The following SLC4A4 variants were observed in gnomAD, a reference collection of about 807,000 sequenced individuals.
The protein encoded by SLC4A4 is electrogenic sodium bicarbonate cotransporter 1.
A neutral mutation model predicts 111.5 loss-of-function variants in SLC4A4; 27 were observed. The observed-to-expected ratio is 0.24, with a 90% CI of 0.18 to 0.33. SLC4A4 has a LOEUF of 0.33. SLC4A4 is among the 10% of genes least tolerant of loss of function. The pLI, the probability that SLC4A4 is intolerant of heterozygous loss-of-function variation, is 1.00. For missense variants in SLC4A4, 909 were observed against 1,315.5 expected, an observed-to-expected ratio of 0.69 and a Z score of 4.78; for synonymous variants, 443 against 463.4, an observed-to-expected ratio of 0.96 and a Z score of 0.57.
chr4:71,279,799 T>A (rs1723365450), intron 3 of SLC4A4, among the ~76,000 whole-genome samples: 4 of 152,144 alleles, frequency 2.6e-5, no homozygotes, highest in Admixed American at 2.6e-4. Flanking sequence ...TTTTTTTTTA[T>A]TTATTTATTT....
chr4:71,125,570 T>C (rs1461852705), intron 2 of SLC4A4, among the ~76,000 whole-genome samples: 1 of 152,188 alleles, frequency 6.6e-6, no homozygotes, highest in African/African-American at 2.4e-5. Flanking sequence ...AAAAAGAGAA[T>C]GCACCTAATC....
At chr4:71,164,235 G>T (rs1307938935) in intron 2 of SLC4A4, among the ~76,000 whole-genome samples, 1 of 152,130 alleles carries the variant, frequency 6.6e-6, no homozygotes, top group Non-Finnish European at 1.5e-5. Context: ...AAAAAAATAA[G>T]CTGGGCATGG....
At chr4:71,525,355 A>G (rs1235672306) in intron 16 of SLC4A4, among the ~76,000 whole-genome samples, 1 of 152,182 alleles carries the variant, frequency 6.6e-6, no homozygotes, top group Non-Finnish European at 1.5e-5. Context: ...AATAGTAAAC[A>G]AAAATGAAAG....
At chr4:71,268,939 T>C (rs901101091) in intron 3 of SLC4A4, among the ~76,000 whole-genome samples, 2 of 152,234 alleles carry the variant, frequency 1.3e-5, no homozygotes, top group African/African-American at 4.8e-5. Context: ...CACAGAACCC[T>C]AACTGTTCCA....
chr4:71,555,852 T>C (rs547226279), intron 21 of SLC4A4, among the ~76,000 whole-genome samples: 2 of 152,034 alleles, frequency 1.3e-5, no homozygotes, highest in Non-Finnish European at 2.9e-5. Flanking sequence ...CTCAACAACA[T>C]AGTGAGACCC....
intron 1 of SLC4A4, among the ~76,000 whole-genome samples, chr4:71,085,380 C>T (rs1402405972): frequency 6.6e-6 from 1 of 152,050 alleles, no homozygotes; most frequent in Admixed American, 6.5e-5. Flanking sequence ...ATGGTAGTTT[C>T]TTTTGCTGTG....
chr4:71,425,794 A>G (rs1374944416), intron 7 of SLC4A4, among the ~76,000 whole-genome samples: 1 of 152,118 alleles, frequency 6.6e-6, no homozygotes, highest in Non-Finnish European at 1.5e-5. Flanking sequence ...TAGAATCCAT[A>G]GAAGGGAGTA....
At chr4:71,077,023 CACATATACATATATGTAAAAAT>C (rs1226790208) in intron 1 of SLC4A4, among the ~76,000 whole-genome samples, 1 of 149,050 alleles carries the variant, frequency 6.7e-6, no homozygotes. Flanking sequence ...TGTGTAAAAA[CACATATACATATATGTAAAAAT>C]ACATATACAT....
At chr4:71,267,992 A>G (rs1722412794) in intron 3 of SLC4A4, among the ~76,000 whole-genome samples, 1 of 150,626 alleles carries the variant, frequency 6.6e-6, no homozygotes, top group Admixed American at 6.6e-5. Flanking sequence ...TATCTGCAGA[A>G]CCACTCCCAA....
intron 4 of SLC4A4, among the ~76,000 whole-genome samples, chr4:71,343,700 C>T (rs572275796): frequency 6.6e-6 from 1 of 152,242 alleles, no homozygotes. Context: ...TTCATCCCAT[C>T]ATTTCTCACT....
Position 71,101,701 on chromosome 4 carries a change from G to A in SLC4A4, c.-2+8909G>A, listed in dbSNP as rs557424187. Among the ~76,000 whole-genome samples the A allele has an allele frequency of 2.0e-4, 30 of 152,280 alleles. No homozygotes were observed. The South Asian group carries it at 2.9e-3, about 15-fold the overall frequency. On this transcript the variant is annotated intron_variant, in intron 2 of 26. Transcript: ENST00000649996. ...GGCAGGGTATTCCAACAGACCTGCA[G>A]CTGAAGGTCCTGTCTGTTAGAAGGA...
chr4:71,503,288 G>T (rs1222345030), intron 16 of SLC4A4, among the ~76,000 whole-genome samples: 1 of 150,502 alleles, frequency 6.6e-6, no homozygotes, highest in East Asian at 2.0e-4. Context: ...TTTCATTGGA[G>T]AACTTAATTT....
chr4:71,145,580 AT>A (rs200046072), intron 2 of SLC4A4, among the ~76,000 whole-genome samples: 1 of 151,698 alleles, frequency 6.6e-6, no homozygotes, highest in Non-Finnish European at 1.5e-5. Context: ...CTGGTCCTGG[AT>A]TTTTTTTAGT....
rs79035086 is a variant in SLC4A4, at chr4:71,521,152, C to T, written c.2167-10910C>T. Among the ~76,000 whole-genome samples the T allele has an allele frequency of 8.8e-3, 1,338 of 152,324 alleles. 21 individuals carry two copies. The highest frequency in any genetic ancestry group is 0.029 in the African/African-American group (1,221 of 41,560). ...TTATGACAGGCATGAGCCACCACAT[C>T]TGGCTCCTTATATTCCTTATCTCAG... On this transcript the variant is annotated intron_variant, in intron 16 of 25. Coordinates refer to ENST00000264485, the MANE Select transcript of SLC4A4 (RefSeq NM_001098484.3).
rs1235796413 is a variant in SLC4A4, at chr4:71,472,804, C to T, written c.1737C>T (p.Tyr579=). Residue 579 remains tyrosine, a synonymous_variant, in exon 14 of 26, where the codon TAC becomes TAT. Transcript: ENST00000264485. Reference sequence around the variant, plus strand: ...CTGATGCCAGCTTCTTGGTTCAATACTTCACACGTTTCACGGAGGAGGGCT... The same window carrying T: ...CTGATGCCAGCTTCTTGGTTCAATATTTCACACGTTTCACGGAGGAGGGCT... ...VATDASFLVQ[Y]FTRFTEEGFS... The T allele has an allele frequency of 1.2e-6, 2 of 1,612,824 alleles. No individual in the cohort carries two copies. The highest frequency in any genetic ancestry group is 1.3e-5 in the African/African-American group (1 of 74,806).
chr4:71,546,671 T>G, intron 19 of SLC4A4, 143 bp downstream of exon 19: 1 of 756,052 alleles, frequency 1.3e-6, no homozygotes, highest in Admixed American at 2.2e-5. Flanking sequence ...CAGAAAGGAC[T>G]AAATTTTCAT....
intron 7 of SLC4A4, among the ~76,000 whole-genome samples, chr4:71,405,791 G>C (rs1720786429): frequency 6.6e-6 from 1 of 152,172 alleles, no homozygotes; most frequent in Non-Finnish European, 1.5e-5. Context: ...AAGAATCTCA[G>C]TATCTAGCAT....
intron 1 of SLC4A4, among the ~76,000 whole-genome samples, chr4:71,068,061 C>CTTTTTTTTTTTTTTTTTTTTTTT (rs138059694): frequency 3.0e-5 from 4 of 132,374 alleles, no homozygotes; most frequent in Non-Finnish European, 1.6e-5. Context: ...TTTGAACAAA[C>CTTTTTTTTTTTTTTTTTTTTTTT]GTTTTTTTTT....
intron 1 of SLC4A4, among the ~76,000 whole-genome samples, chr4:71,232,885 G>A (rs1303921138): frequency 1.3e-5 from 2 of 152,238 alleles, no homozygotes; most frequent in African/African-American, 4.8e-5. Flanking sequence ...GACTCTATAG[G>A]TTGGAAAGGG....
Sources: allele counts gnomAD v4.1 joint callset (sites outside exome capture counted in the v4.1 genomes callset), GRCh38; gene constraint gnomAD v4.1.1; transcripts MANE v1.5; gene names NCBI Gene and HGNC (gene_info 2026-07-23, HGNC 2026-07-21).